TTLL4: variants seen among roughly 807,000 people sequenced by gnomAD.
The protein encoded by TTLL4 is tubulin monoglutamylase TTLL4.
Under a neutral mutation model 122.7 loss-of-function variants are expected in TTLL4, and 85 were observed. That is an observed-to-expected ratio of 0.69 (90% CI 0.58 to 0.83). TTLL4 has a LOEUF of 0.83. Among genes scored for constraint, TTLL4 ranks in the 40% least tolerant of loss-of-function variants. The pLI, the probability that TTLL4 is intolerant of heterozygous loss-of-function variation, is 0.00. For synonymous variants in TTLL4, 553 were observed against 563.0 expected (o/e 0.98, Z 0.25); for missense variants, 1,363 against 1,488.6 (o/e 0.92, Z 1.39).
chr2:218,731,529 A>G (rs1459728657), intron 2 of TTLL4, among the ~76,000 whole-genome samples: 1 of 151,984 alleles, frequency 6.6e-6, no homozygotes, highest in Non-Finnish European at 1.5e-5. Context: ...TATTCCTTGT[A>G]TTTTTCTGCC....
downstream of TTLL4, among the ~76,000 whole-genome samples, chr2:218,757,173 C>T (rs1377618150): frequency 2.0e-5 from 3 of 152,210 alleles, no homozygotes; most frequent in African/African-American, 7.2e-5. Flanking sequence ...GCTGTCCAAG[C>T]CCTGTGCCCT....
chr2:218,738,824 C>T lies in TTLL4; in HGVS notation c.1148C>T (p.Ala383Val), dbSNP rs746589002. 14 of 1,614,068 alleles carry T rather than the reference C, an allele frequency of 8.7e-6. No homozygotes were observed. The highest frequency in any genetic ancestry group is 4.5e-5 in the East Asian group (2 of 44,896). Reference protein sequence around the residue: ...LNRSRRWKPPAVNQQFPQEDA... With the variant: ...LNRSRRWKPPVVNQQFPQEDA... ...AGGAGCAGGCGGTGGAAACCTCCTG[C>T]GGTAAATCAGCAGTTTCCTCAGGAG... is the stretch of plus-strand genomic sequence containing the variant. Residue 383 changes from alanine to valine, a missense_variant, in exon 3 of 20, where the codon GCG (alanine) becomes GTG (valine). This residue lies in a region of TTLL4 where 760 missense variants were observed against 808.4 expected (regional missense o/e 0.94). Coordinates refer to ENST00000392102, the MANE Select transcript of TTLL4 (RefSeq NM_014640.5).
intron 1 of TTLL4, among the ~76,000 whole-genome samples, chr2:218,724,588 C>T (rs1249004960): frequency 1.3e-5 from 2 of 152,172 alleles, no homozygotes. Context: ...ATACATGTTG[C>T]TGCAAATGAT....
intron 1 of TTLL4, among the ~76,000 whole-genome samples, chr2:218,721,450 A>G (rs2106397789): frequency 1.3e-5 from 2 of 152,354 alleles, no homozygotes; most frequent in South Asian, 4.1e-4. Context: ...AAGTGGAAGC[A>G]GCCTTGTGGT....
chr2:218,711,837 T>G (rs142991959), intron 1 of TTLL4, among the ~76,000 whole-genome samples: 1 of 151,810 alleles, frequency 6.6e-6, no homozygotes, highest in East Asian at 1.9e-4. Context: ...TAATCCTTCC[T>G]TGATGAAATC....
chr2:218,720,762 A>C (rs1005754878), intron 1 of TTLL4, among the ~76,000 whole-genome samples: 2 of 152,018 alleles, frequency 1.3e-5, no homozygotes, highest in Admixed American at 6.6e-5. Context: ...GTAAGTGATA[A>C]GTGTCTTTTT....
Position 218,738,443 on chromosome 2 carries a change from G to C in TTLL4, c.767G>C (p.Gly256Ala), listed in dbSNP as rs1361825125. The change falls in exon 3 of 20, where the codon GGG becomes GCG. Residue 256 changes from glycine (G) to alanine (A), a missense_variant. Around this residue, in one of 3 missense-constraint regions of TTLL4, gnomAD observed 760 missense variants for 808.4 expected, o/e 0.94. Transcript: ENST00000392102. ...KIQPVSWHHS[G>A]GTGDCAPQPV... ...CAGCCTGTCTCCTGGCATCATTCAG[G>C]GGGTACTGGAGACTGTGCACCGCAG... is the stretch of plus-strand genomic sequence containing the variant. 20 of 1,614,066 alleles carry C rather than the reference G, an allele frequency of 1.2e-5. No homozygotes were observed. In the East Asian group the frequency reaches 4.2e-4, roughly 34 times the overall value.
intron 15 of TTLL4, among the ~76,000 whole-genome samples, chr2:218,751,116 C>T (rs868260159): frequency 4.6e-5 from 7 of 152,266 alleles, no homozygotes; most frequent in Middle Eastern, 3.4e-3. Context: ...CCTGATTTGC[C>T]TGATAACAAA....
chr2:218,740,306 G>A, intron 4 of TTLL4, 139 bp downstream of exon 4: 2 of 919,270 alleles, frequency 2.2e-6, no homozygotes, highest in African/African-American at 1.7e-5. Flanking sequence ...TGGGGGTAGT[G>A]CCTTCTAGAG....
chr2:218,717,801 CTT>C (rs923415185), intron 1 of TTLL4, among the ~76,000 whole-genome samples: 33 of 144,170 alleles, frequency 2.3e-4, no homozygotes, highest in Non-Finnish European at 1.5e-4. Flanking sequence ...CTATCTTCTT[CTT>C]TTTTTTTTTT....
chr2:218,731,336 G>A (rs1412391928), intron 2 of TTLL4, among the ~76,000 whole-genome samples: 3 of 151,798 alleles, frequency 2.0e-5, no homozygotes, highest in Non-Finnish European at 1.5e-5. Context: ...ACTTGAACCC[G>A]GGAGGCAGAG....
At chr2:218,749,179 C>T in intron 13 of TTLL4, 74 bp from the exon 14 acceptor site, 4 of 1,575,916 alleles carry the variant, frequency 2.5e-6, no homozygotes, top group Non-Finnish European at 3.4e-6. Flanking sequence ...CTGGGCCACT[C>T]TTTTGGCAGG....
intron 19 of TTLL4, 77 bp downstream of exon 19, chr2:218,753,746 T>G: frequency 1.3e-6 from 2 of 1,497,980 alleles, no homozygotes; most frequent in African/African-American, 2.8e-5. Flanking sequence ...CTTCCCAGAC[T>G]GTGGCAGTGA....
Position 218,746,135 on chromosome 2 carries a change from TCCTGATGTA to T in TTLL4, c.1898-16_1898-8del. On this transcript the variant is annotated splice_polypyrimidine_tract_variant and intron_variant, in intron 7 of 19. Coordinates refer to ENST00000392102, the MANE Select transcript of TTLL4 (RefSeq NM_014640.5). ...GGACTGAGCTGTTAGCAAGGCTGAT[TCCTGATGTA>T]CCTCCCATAGGAAACGATGACTGGC... is the stretch of plus-strand genomic sequence containing the variant. The T allele has an allele frequency of 6.2e-7, 1 of 1,614,130 alleles. No individual in the cohort carries two copies. The highest frequency in any genetic ancestry group is 8.5e-7 in the Non-Finnish European group (1 of 1,179,998).
chr2:218,753,509 A>AGG, intron 18 of TTLL4, 75 bp from the exon 19 acceptor site: 1 of 1,394,284 alleles, frequency 7.2e-7, no homozygotes, highest in Middle Eastern at 2.0e-4. Context: ...GTAGAGCTGG[A>AGG]GGGTACCAAG....
At chr2:218,752,200 G>A (rs560007658) in intron 16 of TTLL4, among the ~76,000 whole-genome samples, 52 of 152,268 alleles carry the variant, frequency 3.4e-4, no homozygotes, top group Non-Finnish European at 6.0e-4. Flanking sequence ...GAGCCACCAC[G>A]CCTGGCTGCA....
At chr2:218,726,887 C>T (rs538939166) in intron 1 of TTLL4, among the ~76,000 whole-genome samples, 1 of 152,144 alleles carries the variant, frequency 6.6e-6, no homozygotes, top group Non-Finnish European at 1.5e-5. Flanking sequence ...TCACTGCAAC[C>T]TTTGCCTCCC....
intron 7 of TTLL4, 132 bp downstream of exon 7, chr2:218,745,933 G>A (rs1382019334): frequency 1.1e-6 from 1 of 900,272 alleles, no homozygotes; most frequent in Admixed American, 2.1e-5. Flanking sequence ...CAACCTCATA[G>A]GAGGGTGTAG....
intron 2 of TTLL4, among the ~76,000 whole-genome samples, chr2:218,731,478 G>T (rs1942381568): frequency 6.6e-6 from 1 of 151,944 alleles, no homozygotes; most frequent in Non-Finnish European, 1.5e-5. Context: ...AAAGAACATT[G>T]CTTGTCCTCG....
Sources: allele counts gnomAD v4.1 joint callset (sites outside exome capture counted in the v4.1 genomes callset), GRCh38; gene constraint gnomAD v4.1.1; regional missense constraint gnomAD v4.1.1; transcripts MANE v1.5; gene names NCBI Gene and HGNC (gene_info 2026-07-23, HGNC 2026-07-21).